MARCHF3: variants seen among roughly 807,000 people sequenced by gnomAD.
MARCHF3 encodes the protein E3 ubiquitin-protein ligase MARCHF3.
MARCHF3 carries 13 observed loss-of-function variants against 24.2 expected under a neutral mutation model. That is an observed-to-expected ratio of 0.54 (90% CI 0.35 to 0.85). The LOEUF is 0.85. Among genes scored for constraint, MARCHF3 ranks in the 40% least tolerant of loss-of-function variants. The pLI, the probability that MARCHF3 is intolerant of heterozygous loss-of-function variation, is 0.01. For synonymous variants in MARCHF3, 144 were observed against 137.3 expected (o/e 1.05, Z -0.34); for missense variants, 276 against 325.0 (o/e 0.85, Z 1.16).
intron 3 of MARCHF3, among the ~76,000 whole-genome samples, chr5:126,883,783 C>T (rs1288152719): frequency 6.6e-6 from 1 of 152,194 alleles, no homozygotes; most frequent in African/African-American, 2.4e-5. Context: ...CTTAAATCCC[C>T]AAGGTAGACA....
At chr5:127,014,407 A>G (rs2126859266) in intron 1 of MARCHF3, among the ~76,000 whole-genome samples, 1 of 152,276 alleles carries the variant, frequency 6.6e-6, no homozygotes, top group African/African-American at 2.4e-5. Context: ...AGATTCCTCA[A>G]AAAACTAAAA....
chr5:126,899,102 C>T (rs963920558), intron 3 of MARCHF3: 7 of 985,128 alleles, frequency 7.1e-6, no homozygotes, highest in Admixed American at 1.2e-4. Flanking sequence ...GCAAAGAAAC[C>T]GCTTTATCCC....
intron 1 of MARCHF3, among the ~76,000 whole-genome samples, chr5:127,029,153 G>C (rs1240166429): frequency 6.6e-6 from 1 of 152,148 alleles, no homozygotes; most frequent in Non-Finnish European, 1.5e-5. Context: ...TGTGACCCAA[G>C]GGAAGTTCAA....
rs114489978 is a variant in MARCHF3 at position 126,941,370 on chromosome 5, C to T, written c.-56-23143G>A. ...TGCAGGTAGGATTAGAAGTTCAAGC[C>T]TATTTTTTAAAAGTTATTGTATTCT... On this transcript the variant is annotated intron_variant, in intron 1 of 4. Coordinates refer to ENST00000308660, the MANE Select transcript of MARCHF3 (RefSeq NM_178450.5). Among the ~76,000 whole-genome samples, 1,474 of 151,730 alleles carry T rather than the reference C, an allele frequency of 9.7e-3. 17 individuals carry two copies. Among genetic ancestry groups the T allele is most frequent in the African/African-American group, 0.034 (1,405 of 41,324 alleles).
intron 1 of MARCHF3, chr5:127,030,061 G>A (rs897213847): frequency 1.3e-5 from 2 of 152,236 alleles, no homozygotes; most frequent in Admixed American, 6.5e-5. Flanking sequence ...AGCGCTCCAT[G>A]TCGTTGCCGC....
chr5:127,009,507 G>T (rs1752414636), intron 1 of MARCHF3, among the ~76,000 whole-genome samples: 1 of 152,066 alleles, frequency 6.6e-6, no homozygotes, highest in Non-Finnish European at 1.5e-5. Context: ...TCTTATAAAT[G>T]ACATTTTTAT....
At chr5:127,011,471 C>T (rs780969346) in intron 1 of MARCHF3, among the ~76,000 whole-genome samples, 3 of 152,158 alleles carry the variant, frequency 2.0e-5, no homozygotes, top group Non-Finnish European at 4.4e-5. Flanking sequence ...GGTATTGTCT[C>T]TCATTTGGGT....
At chr5:126,954,199 ATTTTTTTTT>A (rs750262766) in intron 1 of MARCHF3, among the ~76,000 whole-genome samples, 5 of 114,070 alleles carry the variant, frequency 4.4e-5, no homozygotes, top group Middle Eastern at 9.4e-3. Flanking sequence ...CGCCCGGCTA[ATTTTTTTTT>A]TTTTTTTTTT....
At chr5:127,029,217 A>G (rs919880070) in intron 1 of MARCHF3, among the ~76,000 whole-genome samples, 1 of 152,196 alleles carries the variant, frequency 6.6e-6, no homozygotes, top group Admixed American at 6.5e-5. Flanking sequence ...TTTTATATAT[A>G]CACACACTCA....
At chr5:126,926,094 G>T (rs997763152) in intron 1 of MARCHF3, among the ~76,000 whole-genome samples, 6 of 152,218 alleles carry the variant, frequency 3.9e-5, no homozygotes, top group African/African-American at 1.4e-4. Context: ...GTTGATTTGG[G>T]ATTCATTTCC....
chr5:126,970,770 A>C (rs539769670), intron 1 of MARCHF3, among the ~76,000 whole-genome samples: 1 of 152,320 alleles, frequency 6.6e-6, no homozygotes, highest in South Asian at 2.1e-4. Flanking sequence ...CTCTACTTCC[A>C]GTTTCTTCAA....
chr5:126,946,685 C>T (rs1323373255), intron 1 of MARCHF3, among the ~76,000 whole-genome samples: 1 of 151,616 alleles, frequency 6.6e-6, no homozygotes, highest in African/African-American at 2.4e-5. Flanking sequence ...TATCTGCCCT[C>T]CCAAAACCAG....
chr5:126,913,695 T>C (rs1233673173), intron 3 of MARCHF3, among the ~76,000 whole-genome samples: 4 of 152,244 alleles, frequency 2.6e-5, no homozygotes, highest in Non-Finnish European at 2.9e-5. Flanking sequence ...GCCCCGGTTA[T>C]AGGTCTTGAT....
intron 1 of MARCHF3, among the ~76,000 whole-genome samples, chr5:126,918,539 GTTCCCTGCTC>G (rs1748988940): frequency 6.6e-6 from 1 of 152,180 alleles, no homozygotes; most frequent in Non-Finnish European, 1.5e-5. Flanking sequence ...AAGATAAGCA[GTTCCCTGCTC>G]TGTGCTAGAG....
At chr5:127,006,379 A>G (rs898630228) in intron 1 of MARCHF3, among the ~76,000 whole-genome samples, 1 of 152,094 alleles carries the variant, frequency 6.6e-6, no homozygotes, top group Admixed American at 6.5e-5. Context: ...TCTAAGTTCA[A>G]TTTATTTTAC....
intron 1 of MARCHF3, among the ~76,000 whole-genome samples, chr5:126,997,754 A>C (rs1240854512): frequency 1.3e-5 from 2 of 152,206 alleles, no homozygotes; most frequent in Non-Finnish European, 2.9e-5. Flanking sequence ...CCCCCTTAAA[A>C]TTACATTAGA....
At chr5:126,942,660 T>C (rs1466661352) in intron 1 of MARCHF3, among the ~76,000 whole-genome samples, 3 of 152,244 alleles carry the variant, frequency 2.0e-5, no homozygotes, top group Admixed American at 1.3e-4. Context: ...CTGATGACTA[T>C]CTTAGGTCAT....
intron 1 of MARCHF3, among the ~76,000 whole-genome samples, chr5:126,978,404 A>G (rs535519002): frequency 1.3e-5 from 2 of 148,316 alleles, no homozygotes; most frequent in Admixed American, 6.8e-5. Flanking sequence ...GTGGGGGAAA[A>G]AGAACAAAAA....
intron 1 of MARCHF3, among the ~76,000 whole-genome samples, chr5:126,984,969 G>C (rs1301021976): frequency 6.6e-6 from 1 of 152,142 alleles, no homozygotes; most frequent in Non-Finnish European, 1.5e-5. Flanking sequence ...TGGGTGGGAG[G>C]CCTCAGAGGC....
Sources: allele counts gnomAD v4.1 joint callset (sites outside exome capture counted in the v4.1 genomes callset), GRCh38; gene constraint gnomAD v4.1.1; transcripts MANE v1.5; gene names NCBI Gene and HGNC (gene_info 2026-07-23, HGNC 2026-07-21).